The following ANKMY1 variants were observed in gnomAD, a reference collection of about 807,000 sequenced individuals.
ANKMY1 encodes ankyrin repeat and MYND domain-containing protein 1.
ANKMY1 carries 98 observed loss-of-function variants against 102.0 expected under a neutral mutation model. That is an observed-to-expected ratio of 0.96 (90% confidence interval 0.82 to 1.14). ANKMY1 has a LOEUF of 1.14. Among genes scored for constraint, ANKMY1 ranks in the 50% most tolerant of loss-of-function variants. The probability of loss-of-function intolerance (pLI) is 0.00; values close to 1 mark genes in which losing one functional copy is unlikely to be tolerated. For missense variants in ANKMY1, 1,330 were observed against 1,347.6 expected (o/e 0.99, Z 0.20); for synonymous variants, 582 against 559.9 (o/e 1.04, Z -0.56).
rs777630723 is a variant in ANKMY1, at chr2:240,557,267, C to T, written c.69G>A (p.Pro23=). 1.9e-6 allele frequency: 3 copies of T among 1,594,392 alleles called. No homozygotes were observed. Among genetic ancestry groups the T allele is most frequent in the African/African-American group, 2.7e-5 (2 of 74,198 alleles). The part of the protein sequence containing the change: ...EVSGAGSRQR[P]LEGKGGETPA... ...GGGTCTCGCCGCCCTTCCCCTCTAG[C>T]GGGCGTTGGCGGCTGCCAGCCCCAG... The change falls in exon 2 of 18, where the codon CCG becomes CCA. Residue 23 remains proline (P), a synonymous_variant. Transcript: ENST00000401804.
Position 240,500,502 on chromosome 2 carries a change from T to C in ANKMY1, c.2590A>G (p.Lys864Glu), listed in dbSNP as rs1317616674. 3 of 1,614,012 alleles carry C rather than the reference T, an allele frequency of 1.9e-6. No individual in the cohort carries two copies. The highest frequency in any genetic ancestry group is 2.7e-5 in the African/African-American group (2 of 74,928). The change falls in exon 14 of 18, where the codon AAG becomes GAG. Residue 864 changes from lysine to glutamate, a missense_variant. Lys to Glu is a moderately conservative substitution (Grantham distance 56). Coordinates refer to ENST00000401804, the MANE Select transcript of ANKMY1 (RefSeq NM_001282771.3). ...LKPVMLRQGE[K>E]EAVGTAVDYG... ...TCCACGGCTGTGCCCACTGCCTCCT[T>C]TTCTCCCTGCCTGAGCATTACAGGC...
intron 12 of ANKMY1, among the ~76,000 whole-genome samples, chr2:240,508,903 T>C (rs1559280124): frequency 6.7e-6 from 1 of 148,500 alleles, no homozygotes; most frequent in Non-Finnish European, 1.5e-5. Context: ...GATGGGTGAA[T>C]AGGTGAATGA....
At chr2:240,559,410 T>C (rs1435442613), upstream of ANKMY1, among the ~76,000 whole-genome samples, 1 of 152,232 alleles carries the variant, frequency 6.6e-6, no homozygotes, top group Non-Finnish European at 1.5e-5. Flanking sequence ...CTTCCCCTTA[T>C]GGCCATGAGA....
chr2:240,522,377 C>T (rs1224658582), intron 8 of ANKMY1: 8 of 152,194 alleles, frequency 5.3e-5, no homozygotes, highest in African/African-American at 1.4e-4. Context: ...CAAAACAAAA[C>T]CAGTTGGGGA....
Position 240,529,961 on chromosome 2 carries a change from A to AGAGGAG in ANKMY1, c.481-458_481-453dup, listed in dbSNP as rs138792526. Among the ~76,000 whole-genome samples, 174 of 151,856 alleles carry AGAGGAG rather than the reference A, an allele frequency of 1.1e-3. No individual in the cohort carries two copies. The highest frequency in any genetic ancestry group is 4.2e-3 in the African/African-American group (172 of 41,416). ...AAGGAGGAGGAGATAGAGGAAAGGA[A>AGAGGAG]GAGGAGGAGGAGGAAGAGGAAGGAG... is the stretch of plus-strand genomic sequence containing the variant. On this transcript the variant is annotated intron_variant, in intron 4 of 17. Transcript: ENST00000401804. The surrounding 1 kb of genome is among the most constrained non-coding windows in gnomAD (Gnocchi z 4.2).
chr2:240,520,286 T>A lies in ANKMY1; in HGVS notation c.2004+76A>T. On this transcript the variant is annotated intron_variant, in intron 9 of 17. Transcript: ENST00000401804. This position sits in a 1 kb window ranked among gnomAD's most constrained non-coding sequence, Gnocchi z 4.8. ...CCCACCCCTCTCTTCCGCGCCTAGG[T>A]GGAGCGAGGAGCTTCCCGGCCAGTG... 1 of 1,487,952 alleles carries A rather than the reference T, an allele frequency of 6.7e-7. No homozygotes were observed. The highest frequency in any genetic ancestry group is 1.3e-5 in the South Asian group (1 of 76,266). 92.2% of individuals were successfully genotyped at this position (1,487,952 alleles called of 1,614,324 possible).
At chr2:240,483,159 A>T (rs539760979) in intron 15 of ANKMY1, among the ~76,000 whole-genome samples, 232 of 147,510 alleles carry the variant, frequency 1.6e-3, no homozygotes, top group African/African-American at 5.6e-3. Context: ...GTATCATCGA[A>T]TTTTTTTTTT....
chr2:240,529,525 A>G lies in ANKMY1; in HGVS notation c.481-16T>C. 1 of 1,599,422 alleles carries G rather than the reference A, an allele frequency of 6.3e-7. No individual in the cohort carries two copies. Among genetic ancestry groups the G allele is most frequent in the Non-Finnish European group, 8.5e-7 (1 of 1,171,898 alleles). On this transcript the variant is annotated splice_polypyrimidine_tract_variant and intron_variant, in intron 4 of 17. Transcript: ENST00000401804. The surrounding 1 kb of genome is among the most constrained non-coding windows in gnomAD (Gnocchi z 4.2). The stretch of plus-strand genomic sequence containing the variant: ...TGTATAGCCCCTGCCAAGGAAGCGC[A>G]ATAGACCGAGGAGAGATAACGCGAC...
chr2:240,531,852 G>A (rs2085469285), intron 4 of ANKMY1, among the ~76,000 whole-genome samples: 1 of 152,140 alleles, frequency 6.6e-6, no homozygotes, highest in African/African-American at 2.4e-5. Context: ...CACTGAGTTG[G>A]TTACTTAAAA....
rs146282017 is a variant in ANKMY1 at position 240,557,449 on chromosome 2, G to A, written c.-17-97C>T. 589 of 1,372,002 alleles carry A rather than the reference G, an allele frequency of 4.3e-4. 2 individuals are homozygous for A. The African/African-American group carries it at 7.9e-3, about 18-fold the overall frequency. 85.0% of individuals were successfully genotyped at this position (1,372,002 alleles called of 1,614,324 possible). A position where few individuals can be genotyped will look rare whatever the true frequency, so the allele number is the denominator to read the frequency against. On this transcript the variant is annotated intron_variant, in intron 1 of 17. Coordinates refer to ENST00000401804, the MANE Select transcript of ANKMY1 (RefSeq NM_001282771.3). ...CGGCCCGCGGCCCCTGAGCCTCAGAGAACCCAAGCCCCTCCCTGAACCGCG... is the reference window on the plus strand; with the variant it reads ...CGGCCCGCGGCCCCTGAGCCTCAGAAAACCCAAGCCCCTCCCTGAACCGCG...
At position 240,539,370 on chromosome 2, in the gene ANKMY1, C is replaced by T. The variant is rs188997680; in HGVS notation, c.481-9861G>A. 4.3e-3 allele frequency among the ~76,000 whole-genome samples: 648 copies of T among 152,280 alleles called. 7 individuals are homozygous for T. Among genetic ancestry groups the T allele is most frequent in the African/African-American group, 0.015 (623 of 41,534 alleles). On this transcript the variant is annotated intron_variant, in intron 4 of 17. Transcript: ENST00000401804. The stretch of plus-strand genomic sequence containing the variant: ...GCACCACCTTAAGAGCTGTAACACT[C>T]ACCGTGAAGGTCTGCAGCTTCACTC...
chr2:240,479,278 C>T (rs2075072842), downstream of ANKMY1: 1 of 376,640 alleles, frequency 2.7e-6, no homozygotes, highest in East Asian at 4.7e-5. Context: ...GCTCCGAGTC[C>T]TGACCCTCAC....
chr2:240,499,503 G>C lies in ANKMY1; in HGVS notation c.2806+455C>G, dbSNP rs1308097157. On this transcript the variant is annotated intron_variant, in intron 15 of 17. Transcript: ENST00000401804. This position sits in a 1 kb window ranked among gnomAD's most constrained non-coding sequence, Gnocchi z 4.2. ...GTACATGGGGGAGTAGATGTCAGTAGGTACTGCGTTTGTGGAGTGGGTGCA... is the reference window on the plus strand; with the variant it reads ...GTACATGGGGGAGTAGATGTCAGTACGTACTGCGTTTGTGGAGTGGGTGCA... 6.6e-6 allele frequency among the ~76,000 whole-genome samples: 1 copy of C among 151,928 alleles called. No individual in the cohort carries two copies. Among genetic ancestry groups the C allele is most frequent in the Non-Finnish European group, 1.5e-5 (1 of 67,948 alleles).
intron 9 of ANKMY1, chr2:240,519,951 A>G (rs1346955857): frequency 9.0e-6 from 3 of 333,618 alleles, no homozygotes; most frequent in African/African-American, 4.4e-5. Flanking sequence ...GGATCTGTTG[A>G]GCTAAAGATA....
intron 5 of ANKMY1, among the ~76,000 whole-genome samples, chr2:240,528,774 G>A (rs2084513104): frequency 6.6e-6 from 1 of 152,178 alleles, no homozygotes. Context: ...CTGTCCCCAA[G>A]AGTGGGCAGG....
At chr2:240,496,524 T>G (rs1004842952) in intron 15 of ANKMY1, among the ~76,000 whole-genome samples, 3 of 152,200 alleles carry the variant, frequency 2.0e-5, no homozygotes, top group Non-Finnish European at 4.4e-5. Context: ...CCTTCATTCT[T>G]CTCCCTTGGG....
chr2:240,483,190 TC>T (rs1237523196), intron 15 of ANKMY1, among the ~76,000 whole-genome samples: 1 of 152,112 alleles, frequency 6.6e-6, no homozygotes, highest in Admixed American at 6.5e-5. Flanking sequence ...ACAGTCTTGC[TC>T]TGTCAGCCAG....
chr2:240,526,559 C>G (rs543266322), intron 5 of ANKMY1, 114 bp from the exon 6 acceptor site: 1 of 1,517,106 alleles, frequency 6.6e-7, no homozygotes, highest in African/African-American at 1.4e-5. Context: ...CTCAGCCCCC[C>G]ACTGTTCACT....
At chr2:240,479,712 C>A (rs554297455) in intron 17 of ANKMY1, 57 bp from the exon 18 acceptor site, 1 of 1,525,148 alleles carries the variant, frequency 6.6e-7, no homozygotes, top group Non-Finnish European at 9.0e-7. Context: ...TGGCCTCCCC[C>A]GAGGCCTGGC....
Sources: allele counts gnomAD v4.1 joint callset (sites outside exome capture counted in the v4.1 genomes callset), GRCh38; gene constraint gnomAD v4.1.1; non-coding constraint Gnocchi (gnomAD v3.1); transcripts MANE v1.5; gene names NCBI Gene and HGNC (gene_info 2026-07-23, HGNC 2026-07-21).